The following KIF5C variants were observed in gnomAD, a reference collection of about 807,000 sequenced individuals.
KIF5C encodes the protein kinesin heavy chain isoform 5C.
Under a neutral mutation model 125.2 loss-of-function variants are expected in KIF5C, and 18 were observed. The ratio of observed to expected loss-of-function variants is 0.14; its 90% confidence interval spans 0.10 to 0.21. The LOEUF (loss-of-function observed/expected upper bound fraction) is 0.21. KIF5C is among the 10% of genes least tolerant of loss of function. The probability of loss-of-function intolerance (pLI) is 1.00; values close to 1 mark genes in which losing one functional copy is unlikely to be tolerated. For missense variants in KIF5C, 780 were observed against 1,183.8 expected (o/e 0.66, Z 5.01); for synonymous variants, 405 against 434.0 (o/e 0.93, Z 0.83).
At chr2:149,009,065 G>C (rs539689688) in intron 23 of KIF5C, among the ~76,000 whole-genome samples, 35 of 147,070 alleles carry the variant, frequency 2.4e-4, no homozygotes, top group African/African-American at 7.6e-4. Flanking sequence ...TCTCTGCTCA[G>C]TGCAACCTCT....
intron 4 of KIF5C, among the ~76,000 whole-genome samples, chr2:148,940,341 T>C (rs1201163197): frequency 6.6e-6 from 1 of 152,198 alleles, no homozygotes; most frequent in Non-Finnish European, 1.5e-5. Flanking sequence ...CAGGGAAGTC[T>C]GACAGGTGTT....
intron 11 of KIF5C, among the ~76,000 whole-genome samples, chr2:148,971,500 A>G (rs980871043): frequency 6.6e-6 from 1 of 152,190 alleles, no homozygotes; most frequent in Non-Finnish European, 1.5e-5. Context: ...TTGGAACTGA[A>G]TGAAATATTG....
intron 1 of KIF5C, among the ~76,000 whole-genome samples, 151 bp downstream of exon 1, chr2:148,875,894 C>A (rs1019400216): frequency 1.3e-5 from 2 of 151,988 alleles, no homozygotes; most frequent in Non-Finnish European, 2.9e-5. Context: ...ACCCCTCGCC[C>A]CGCGCACTAT....
chr2:148,999,288 G>A (rs1406468761), intron 19 of KIF5C, among the ~76,000 whole-genome samples: 1 of 37,940 alleles, frequency 2.6e-5, no homozygotes, highest in African/African-American at 1.1e-4. Context: ...CTCCCCTCCC[G>A]CTTTCTGTAG....
At chr2:148,881,348 C>A (rs750627204) in intron 1 of KIF5C, among the ~76,000 whole-genome samples, 3 of 152,086 alleles carry the variant, frequency 2.0e-5, no homozygotes, top group Non-Finnish European at 4.4e-5. Context: ...CTCTAGACTA[C>A]GTTAGCTGTT....
intron 14 of KIF5C, among the ~76,000 whole-genome samples, chr2:148,982,622 A>G (rs1681267018): frequency 6.6e-6 from 1 of 152,234 alleles, no homozygotes; most frequent in South Asian, 2.1e-4. Flanking sequence ...TAAAAACAAG[A>G]TGACATAAGC....
intron 1 of KIF5C, among the ~76,000 whole-genome samples, chr2:148,912,972 T>C (rs1681400393): frequency 6.6e-6 from 1 of 152,244 alleles, no homozygotes; most frequent in African/African-American, 2.4e-5. Context: ...ATAGTGCTAG[T>C]GCACTATGTT....
chr2:149,000,565 C>G (rs977999265), intron 20 of KIF5C, 41 bp downstream of exon 20: 32 of 1,547,552 alleles, frequency 2.1e-5, no homozygotes, highest in Non-Finnish European at 2.7e-5. Flanking sequence ...TCTCTCATCC[C>G]CATGATATTC....
intron 11 of KIF5C, among the ~76,000 whole-genome samples, chr2:148,972,603 T>C (rs1482464914): frequency 6.6e-6 from 1 of 152,244 alleles, no homozygotes; most frequent in Non-Finnish European, 1.5e-5. Flanking sequence ...CCCCAACAAA[T>C]GCTACTCTGC....
chr2:148,887,505 G>A (rs902492311), intron 1 of KIF5C, among the ~76,000 whole-genome samples: 3 of 152,036 alleles, frequency 2.0e-5, no homozygotes, highest in African/African-American at 7.2e-5. Flanking sequence ...TTGGGGGAAA[G>A]CAAATTTAAA....
chr2:148,959,887 G>C (rs1682884413), intron 10 of KIF5C, among the ~76,000 whole-genome samples: 1 of 152,144 alleles, frequency 6.6e-6, no homozygotes, highest in Non-Finnish European at 1.5e-5. Flanking sequence ...CCCTACCAAT[G>C]GCTGTGACAA....
intron 15 of KIF5C, among the ~76,000 whole-genome samples, chr2:148,988,296 C>T (rs1681437350): frequency 6.6e-6 from 1 of 152,100 alleles, no homozygotes; most frequent in Non-Finnish European, 1.5e-5. Context: ...ATCCATCAGG[C>T]ACAAACTCAA....
At chr2:148,967,375 C>T (rs1269078697) in intron 11 of KIF5C, among the ~76,000 whole-genome samples, 2 of 152,208 alleles carry the variant, frequency 1.3e-5, no homozygotes, top group Non-Finnish European at 1.5e-5. Flanking sequence ...ATACAGGCAG[C>T]AGAGACAGGC....
rs369805419 is a variant in KIF5C, at chr2:148,906,350, C to A, written c.127-15787C>A. On this transcript the variant is annotated intron_variant, in intron 1 of 25. Transcript: ENST00000435030. ...CTGACTCATTGATCATAAGGAAGTC[C>A]CATGGGAGGGAGATGCCACAGTTGG... 4.6e-5 allele frequency among the ~76,000 whole-genome samples: 7 copies of A among 152,120 alleles called. No individual in the cohort carries two copies. The East Asian group carries it at 5.8e-4, about 13-fold the overall frequency.
chr2:148,938,238 G>A (rs73966658), intron 4 of KIF5C, among the ~76,000 whole-genome samples: 20,202 of 152,054 alleles, frequency 0.13, 2,026 homozygotes, highest in African/African-American at 0.27. Context: ...AGTGTGGAGG[G>A]CAGGAAATCT....
intron 10 of KIF5C, among the ~76,000 whole-genome samples, chr2:148,961,286 C>T (rs73965222): frequency 0.14 from 21,355 of 151,602 alleles, 2,308 homozygotes; most frequent in African/African-American, 0.3. Context: ...ATGGTGATGA[C>T]GGGCTGTGAT....
chr2:149,008,180 T>C (rs970382694), intron 23 of KIF5C, 113 bp downstream of exon 23: 1 of 1,320,730 alleles, frequency 7.6e-7, no homozygotes, highest in African/African-American at 1.5e-5. Flanking sequence ...GTAAAAGAAC[T>C]GTACACTATC....
rs1681380348 is a variant in KIF5C at position 148,882,105 on chromosome 2, A to G, written c.126+6362A>G. Among the ~76,000 whole-genome samples the G allele has an allele frequency of 2.0e-5, 3 of 152,208 alleles. No homozygotes were observed. In the South Asian group the frequency reaches 6.2e-4, roughly 31 times the overall value. ...GAGTTTGAGGTTGTTTGTAAATATC[A>G]TGGAGAACTCGGGAGAAAACTATTT... is the stretch of plus-strand genomic sequence containing the variant. On this transcript the variant is annotated intron_variant, in intron 1 of 25. Coordinates refer to ENST00000435030, the MANE Select transcript of KIF5C (RefSeq NM_004522.3).
Position 148,989,306 on chromosome 2 carries a change from CT to C in KIF5C, c.1717-1699del, listed in dbSNP as rs548527341. Among the ~76,000 whole-genome samples the C allele has an allele frequency of 2.4e-4, 36 of 151,540 alleles. No individual in the cohort carries two copies. The East Asian group carries it at 6.2e-3, about 26-fold the overall frequency. ...TGCTCCGAATGCCACTATTCCATTCCTTTTTATGGCTGGGTAGTATTCCATG... is the reference window on the plus strand; with the variant it reads ...TGCTCCGAATGCCACTATTCCATTCCTTTTATGGCTGGGTAGTATTCCATG... On this transcript the variant is annotated intron_variant, in intron 15 of 25. Coordinates refer to ENST00000435030, the MANE Select transcript of KIF5C (RefSeq NM_004522.3).
Sources: gnomAD v4.1 joint callset for allele counts (sites outside exome capture counted in the v4.1 genomes callset) on GRCh38, gnomAD v4.1.1 for gene constraint, MANE v1.5 for transcripts, NCBI Gene and HGNC (gene_info 2026-07-23, HGNC 2026-07-21) for gene names.